CNTN4: variants seen among roughly 807,000 people sequenced by gnomAD.
CNTN4 encodes the protein contactin 4.
In CNTN4, 77 loss-of-function variants were observed where a neutral mutation model predicts 122.5. The ratio of observed to expected loss-of-function variants is 0.63; its 90% CI spans 0.52 to 0.76. CNTN4 has a LOEUF of 0.76. Ranked by LOEUF, CNTN4 falls within the 30% of genes least tolerant of loss-of-function variation. CNTN4 has a pLI of 0.00. For synonymous variants in CNTN4, 512 were observed against 447.0 expected (o/e 1.15, Z -1.83); for missense variants, 1,256 against 1,259.1 (o/e 1.00, Z 0.04).
chr3:2,198,699 C>G (rs180920011), intron 2 of CNTN4, among the ~76,000 whole-genome samples: 24 of 152,232 alleles, frequency 1.6e-4, no homozygotes, highest in Non-Finnish European at 2.4e-4. Flanking sequence ...AGAATATACT[C>G]GAGACTTAAT....
intron 2 of CNTN4, among the ~76,000 whole-genome samples, chr3:2,249,632 A>G (rs2040298439): frequency 1.3e-5 from 2 of 151,978 alleles, no homozygotes; most frequent in African/African-American, 2.4e-5. Context: ...GGTTGGGCAA[A>G]GAATTAAATG....
intron 2 of CNTN4, among the ~76,000 whole-genome samples, chr3:2,317,030 G>C (rs1485152775): frequency 6.6e-6 from 1 of 152,050 alleles, no homozygotes; most frequent in East Asian, 1.9e-4. Context: ...CACCATTCTA[G>C]TGGCCCCTGC....
intron 9 of CNTN4, among the ~76,000 whole-genome samples, chr3:2,885,103 G>A (rs543476891): frequency 1.3e-5 from 2 of 152,310 alleles, no homozygotes; most frequent in South Asian, 4.1e-4. Context: ...TGGCTTTAAT[G>A]TTTTAAATAC....
chr3:2,221,461 G>A (rs1336367338), intron 2 of CNTN4, among the ~76,000 whole-genome samples: 1 of 150,926 alleles, frequency 6.6e-6, no homozygotes, highest in East Asian at 1.9e-4. Flanking sequence ...GAAAACATGG[G>A]AGAAAAATCT....
intron 3 of CNTN4, among the ~76,000 whole-genome samples, chr3:2,423,211 C>G (rs746947888): frequency 2.8e-4 from 42 of 152,142 alleles, no homozygotes; most frequent in Admixed American, 1.2e-3. Flanking sequence ...GCCTTTCTTT[C>G]TTTATTTTTT....
chr3:2,298,197 G>T (rs994849265), intron 2 of CNTN4, among the ~76,000 whole-genome samples: 2 of 152,230 alleles, frequency 1.3e-5, no homozygotes, highest in South Asian at 2.1e-4. Flanking sequence ...CTCATTTTAT[G>T]TTTAAAAATA....
intron 4 of CNTN4, among the ~76,000 whole-genome samples, chr3:2,576,804 T>A (rs2079710687): frequency 6.6e-6 from 1 of 152,188 alleles, no homozygotes; most frequent in African/African-American, 2.4e-5. Context: ...TGCCTTGCCT[T>A]CCCAAAGTGC....
chr3:2,666,124 T>A (rs902063118), intron 4 of CNTN4, among the ~76,000 whole-genome samples: 7 of 152,216 alleles, frequency 4.6e-5, no homozygotes, highest in African/African-American at 1.7e-4. Context: ...ATAGAACAAA[T>A]TCATTTGACT....
intron 6 of CNTN4, among the ~76,000 whole-genome samples, chr3:2,791,486 T>C (rs58934896): frequency 2.0e-4 from 30 of 152,040 alleles, no homozygotes; most frequent in Middle Eastern, 6.8e-3. Flanking sequence ...AGACCTGTGA[T>C]TGTGCCACTG....
intron 6 of CNTN4, among the ~76,000 whole-genome samples, chr3:2,816,362 TA>T (rs942547179): frequency 1.3e-5 from 2 of 148,328 alleles, no homozygotes; most frequent in African/African-American, 5.0e-5. Flanking sequence ...TCAAAAAAAA[TA>T]AAAAAAATAA....
intron 3 of CNTN4, among the ~76,000 whole-genome samples, chr3:2,415,918 T>A (rs1256134907): frequency 2.0e-5 from 3 of 152,192 alleles, no homozygotes; most frequent in Admixed American, 6.5e-5. Context: ...ACCAAAGTTA[T>A]AACCTACATT....
At chr3:2,356,117 G>A (rs113455832) in intron 3 of CNTN4, among the ~76,000 whole-genome samples, 299 of 152,216 alleles carry the variant, frequency 2.0e-3, no homozygotes, top group African/African-American at 5.2e-3. Context: ...CTAGCTATTG[G>A]TGGGGAGAAC....
intron 2 of CNTN4, among the ~76,000 whole-genome samples, chr3:2,298,598 C>T (rs903369211): frequency 6.6e-6 from 1 of 152,132 alleles, no homozygotes; most frequent in Non-Finnish European, 1.5e-5. Context: ...GAATGAATTT[C>T]CATCTTTGGT....
intron 2 of CNTN4, among the ~76,000 whole-genome samples, chr3:2,205,110 G>C (rs1354057949): frequency 6.6e-6 from 1 of 151,578 alleles, no homozygotes. Context: ...CAATTGTCTA[G>C]CAAGATTTTT....
intron 4 of CNTN4, among the ~76,000 whole-genome samples, chr3:2,637,732 A>G (rs1371631437): frequency 6.6e-6 from 1 of 152,196 alleles, no homozygotes; most frequent in Non-Finnish European, 1.5e-5. Context: ...GTCACCACGC[A>G]TGTGACATTG....
chr3:2,262,612 T>C (rs1051143717), intron 2 of CNTN4, among the ~76,000 whole-genome samples: 1 of 143,616 alleles, frequency 7.0e-6, no homozygotes, highest in African/African-American at 2.6e-5. Flanking sequence ...AGATGTGATA[T>C]ACACTTGCTG....
chr3:2,121,492 G>A (rs1182205892), intron 2 of CNTN4, among the ~76,000 whole-genome samples: 15 of 127,816 alleles, frequency 1.2e-4, no homozygotes, highest in African/African-American at 3.4e-4. Flanking sequence ...GTGAGACTCC[G>A]TCTCAAAAAA....
intron 3 of CNTN4, among the ~76,000 whole-genome samples, chr3:2,355,583 TTCCCCAA>T (rs780528463): frequency 1.3e-5 from 2 of 152,228 alleles, no homozygotes; most frequent in Non-Finnish European, 2.9e-5. Flanking sequence ...TTCTCTCTTC[TTCCCCAA>T]TCCCCTCCTG....
intron 3 of CNTN4, among the ~76,000 whole-genome samples, chr3:2,438,611 C>T (rs1230627713): frequency 2.0e-5 from 3 of 152,204 alleles, no homozygotes; most frequent in African/African-American, 4.8e-5. Context: ...ATGTCTTTTA[C>T]TCACACTTCC....
Sources: allele counts gnomAD v4.1 joint callset (sites outside exome capture counted in the v4.1 genomes callset), GRCh38; gene constraint gnomAD v4.1.1; transcripts MANE v1.5; gene names NCBI Gene and HGNC (gene_info 2026-07-23, HGNC 2026-07-21).